Variants in DHODH observed in about 807,000 individuals in gnomAD.
DHODH encodes dihydroorotate dehydrogenase (quinone), mitochondrial.
A neutral mutation model predicts 39.7 loss-of-function variants in DHODH; 30 were observed. That is an observed-to-expected ratio of 0.76 (90% CI 0.57 to 1.02). DHODH has a LOEUF of 1.02. Among genes scored for constraint, DHODH ranks in the 50% least tolerant of loss-of-function variants. DHODH has a pLI of 0.00. For synonymous variants in DHODH, 222 were observed against 213.8 expected, an observed-to-expected ratio of 1.04 and a Z score of -0.34; for missense variants, 531 against 520.8, an observed-to-expected ratio of 1.02 and a Z score of -0.19.
chr16:72,015,865 G>C, intron 3 of DHODH: 1 of 985,458 alleles, frequency 1.0e-6, no homozygotes, highest in African/African-American at 1.7e-5. Context: ...TGTGGTAAGT[G>C]TGTAGTAAAC....
In DHODH at chr16:72,023,204, A is replaced by G. The variant is rs200254802; in HGVS notation, c.859A>G (p.Ser287Gly). Residue 287 changes from serine (S) to glycine (G), a missense_variant, in exon 7 of 9, where the codon AGT becomes GGT. Coordinates refer to ENST00000219240, the MANE Select transcript of DHODH (RefSeq NM_001361.5). ...GCTGATTGTTACGAACACCACCGTG[A>G]GTCGCCCTGCGGGCCTCCAGGGTGC... is the stretch of plus-strand genomic sequence containing the variant. ...DGLIVTNTTVSRPAGLQGALR... is the reference protein window; with the variant it reads ...DGLIVTNTTVGRPAGLQGALR... 7 of 1,614,202 alleles carry G rather than the reference A, an allele frequency of 4.3e-6. No individual in the cohort carries two copies. Among genetic ancestry groups the G allele is most frequent in the Non-Finnish European group, 5.9e-6 (7 of 1,180,052 alleles).
At chr16:72,011,981 G>A in intron 1 of DHODH, 69 bp from the exon 2 acceptor site, 1 of 1,292,782 alleles carries the variant, frequency 7.7e-7, no homozygotes, top group Non-Finnish European at 1.1e-6. Flanking sequence ...GTGTACCTGG[G>A]TGTGAAGGGC....
rs1014400475 is a variant in DHODH at position 72,026,304 on chromosome 16, G to C, written c.*2105G>C. On this transcript the variant is annotated 3_prime_UTR_variant, in exon 9 of 9. Transcript: ENST00000219240. ...TGTCCCACCTAATAGCTTCAGGACTGAACAATTCAGGAAAGGGAAGGGAAG... is the reference window on the plus strand; with the variant it reads ...TGTCCCACCTAATAGCTTCAGGACTCAACAATTCAGGAAAGGGAAGGGAAG... 6.6e-6 allele frequency: 1 copy of C among 152,298 alleles called. No homozygotes were observed. The highest frequency in any genetic ancestry group is 2.4e-5 in the African/African-American group (1 of 41,414). The allele number at this position is 152,298 out of a possible 1,614,324, so 9.4% of individuals were successfully genotyped here.
chr16:72,009,029 C>T, intron 1 of DHODH: 1 of 1,425,022 alleles, frequency 7.0e-7, no homozygotes, highest in Non-Finnish European at 9.2e-7. Context: ...GTGTCTGCGC[C>T]TGGGCCATGT....
intron 2 of DHODH, 37 bp downstream of exon 2, chr16:72,012,299 G>A (rs1215957809): frequency 1.9e-6 from 3 of 1,595,212 alleles, no homozygotes; most frequent in African/African-American, 2.7e-5. Context: ...TAAATACAAA[G>A]GCGAAGGCTG....
chr16:72,012,379 T>C (rs556105282), intron 2 of DHODH, 117 bp downstream of exon 2: 2 of 835,528 alleles, frequency 2.4e-6, no homozygotes, highest in Non-Finnish European at 4.0e-6. Flanking sequence ...CAGTGGGGAT[T>C]TGGAATTCAG....
intron 1 of DHODH, 64 bp downstream of exon 1, chr16:72,008,849 G>A: frequency 6.4e-7 from 1 of 1,551,704 alleles, no homozygotes; most frequent in South Asian, 1.2e-5. Context: ...AGAACGGAGA[G>A]TCAGGCCGGG....
intron 2 of DHODH, 45 bp from the exon 3 acceptor site, chr16:72,014,428 C>CG (rs1396610575): frequency 7.0e-6 from 11 of 1,567,086 alleles, no homozygotes; most frequent in African/African-American, 1.4e-5. Flanking sequence ...TGAGAAATAC[C>CG]GGGATAGCCT....
rs771428943 is a variant in DHODH, at chr16:72,008,770, G to A, written c.6G>A (p.Ala2=). The A allele has an allele frequency of 2.0e-5, 31 of 1,551,672 alleles. No homozygotes were observed. The highest frequency in any genetic ancestry group is 1.7e-4 in the Middle Eastern group (1 of 5,936). Residue 2 remains alanine, a synonymous_variant, in exon 1 of 9, where the codon GCG becomes GCA. Coordinates refer to ENST00000219240, the MANE Select transcript of DHODH (RefSeq NM_001361.5). Reference sequence around the variant, plus strand: ...GGCTTAATGACGGAAGGAGCATGGCGTGGAGACACCTGAAAGTGAGTCCCG... The same window carrying A: ...GGCTTAATGACGGAAGGAGCATGGCATGGAGACACCTGAAAGTGAGTCCCG... M[A]WRHLKKRAQD...
intron 4 of DHODH, 116 bp from the exon 5 acceptor site, chr16:72,021,008 C>A: frequency 1.8e-6 from 2 of 1,092,518 alleles, no homozygotes; most frequent in South Asian, 1.6e-5. Flanking sequence ...TCGGGCAGGT[C>A]AGGTTTGGAG....
At chr16:72,022,093 CAAAAAAA>C (rs57957042) in intron 5 of DHODH, among the ~76,000 whole-genome samples, 2 of 86,066 alleles carry the variant, frequency 2.3e-5, no homozygotes, top group South Asian at 4.0e-4. Context: ...GACCTTGTCT[CAAAAAAA>C]AAAAAAAAAA....
intron 2 of DHODH, among the ~76,000 whole-genome samples, chr16:72,012,511 T>A (rs2041095926): frequency 6.6e-6 from 1 of 152,198 alleles, no homozygotes; most frequent in East Asian, 1.9e-4. Context: ...TGGATCCTGT[T>A]ACCATCCCCA....
chr16:72,023,333 GT>G lies in DHODH; in HGVS notation c.973+18del. ...ACTCACCCAAGGCAAGGTTTCCCGT[GT>G]TTGTGTCTTCAGATCTGCGTGTGGC... On this transcript the variant is annotated intron_variant, in intron 7 of 8. Coordinates refer to ENST00000219240, the MANE Select transcript of DHODH (RefSeq NM_001361.5). The G allele has an allele frequency of 6.2e-7, 1 of 1,614,152 alleles. No individual in the cohort carries two copies. The highest frequency in any genetic ancestry group is 8.5e-7 in the Non-Finnish European group (1 of 1,180,052).
At chr16:72,015,951 T>G (rs953192806) in intron 3 of DHODH, 1 of 902,114 alleles carries the variant, frequency 1.1e-6, no homozygotes, top group African/African-American at 1.8e-5. Flanking sequence ...TGCTTTTGGC[T>G]CTAACAAAGT....
intron 3 of DHODH, 168 bp from the exon 4 acceptor site, chr16:72,016,856 G>T (rs1321266179): frequency 7.4e-6 from 5 of 679,966 alleles, no homozygotes; most frequent in Non-Finnish European, 1.1e-5. Context: ...CTGGGTATTG[G>T]ATGGTGTTCT....
Position 72,024,468 on chromosome 16 carries a change from A to G in DHODH, c.*269A>G. ...TGCAAGGACATTGAATATTAGGAGG[A>G]AAAAGTCATGGAAAAAATAAAGCCA... On this transcript the variant is annotated 3_prime_UTR_variant, in exon 9 of 9. Coordinates refer to ENST00000219240, the MANE Select transcript of DHODH (RefSeq NM_001361.5). The G allele has an allele frequency of 1.9e-6, 1 of 518,850 alleles. No individual in the cohort carries two copies. Among genetic ancestry groups the G allele is most frequent in the Admixed American group, 3.2e-5 (1 of 31,392 alleles). The allele number at this position is 518,850 out of a possible 1,614,324, so 32.1% of individuals were successfully genotyped here. A position where few individuals can be genotyped will look rare whatever the true frequency, so the allele number is the denominator to read the frequency against.
At chr16:72,016,702 A>T (rs1199318565) in intron 3 of DHODH, 1 of 375,980 alleles carries the variant, frequency 2.7e-6, no homozygotes, top group East Asian at 6.5e-5. Context: ...TTGGGAGCCC[A>T]GGCAGAAGGT....
intron 3 of DHODH, chr16:72,015,988 T>C (rs998963329): frequency 5.7e-6 from 3 of 526,520 alleles, no homozygotes; most frequent in Admixed American, 6.9e-5. Flanking sequence ...ACATTTGATA[T>C]TATTTTCTTC....
At chr16:72,014,901 G>A (rs1042192520) in intron 3 of DHODH, among the ~76,000 whole-genome samples, 1 of 152,204 alleles carries the variant, frequency 6.6e-6, no homozygotes, top group Admixed American at 6.5e-5. Flanking sequence ...GGCTCATAGA[G>A]CTAAATAACT....
Sources: gnomAD v4.1 joint callset for allele counts (sites outside exome capture counted in the v4.1 genomes callset) on GRCh38, gnomAD v4.1.1 for gene constraint, MANE v1.5 for transcripts, NCBI Gene and HGNC (gene_info 2026-07-23, HGNC 2026-07-21) for gene names.